Variants in ALPK2 observed in about 807,000 individuals in gnomAD.
The protein encoded by ALPK2 is alpha-protein kinase 2.
ALPK2 carries 127 observed loss-of-function variants against 163.1 expected under a neutral mutation model. That is an observed-to-expected ratio of 0.78 (90% CI 0.67 to 0.90). The LOEUF (loss-of-function observed/expected upper bound fraction) is 0.90, where lower values mean the gene tolerates loss of function less well. Ranked by LOEUF, ALPK2 falls within the 40% of genes least tolerant of loss-of-function variation. The pLI is 0.00. For missense variants in ALPK2, 2,360 were observed against 2,589.6 expected (o/e 0.91, Z 1.92); for synonymous variants, 953 against 959.1 (o/e 0.99, Z 0.12).
intron 4 of ALPK2, among the ~76,000 whole-genome samples, chr18:58,553,671 T>G (rs980811493): frequency 6.6e-6 from 1 of 152,122 alleles, no homozygotes; most frequent in Non-Finnish European, 1.5e-5. Context: ...GCCTGTTCCC[T>G]GCTTCACTTG....
chr18:58,487,266 A>G (rs2051344190), intron 12 of ALPK2, among the ~76,000 whole-genome samples: 2 of 152,222 alleles, frequency 1.3e-5, no homozygotes, highest in South Asian at 4.1e-4. Flanking sequence ...ACAGAGACAC[A>G]CAGGGGGAAT....
chr18:58,569,777 A>G (rs2051875597), intron 4 of ALPK2, among the ~76,000 whole-genome samples: 1 of 152,194 alleles, frequency 6.6e-6, no homozygotes, highest in African/African-American at 2.4e-5. Context: ...TGGGTCAGCT[A>G]AGGAATGGTA....
intron 4 of ALPK2, among the ~76,000 whole-genome samples, chr18:58,543,089 C>A (rs187437922): frequency 1.3e-5 from 2 of 152,064 alleles, no homozygotes; most frequent in East Asian, 3.9e-4. Context: ...AGGGAGGGGA[C>A]CTGGAGGCTT....
intron 3 of ALPK2, among the ~76,000 whole-genome samples, chr18:58,603,747 T>TC (rs5825295): frequency 0.72 from 108,811 of 151,718 alleles, 39,727 homozygotes; most frequent in East Asian, 1. Flanking sequence ...CAATTTGCTT[T>TC]ATTATGAGGT....
chr18:58,603,105 A>G (rs1290028480), intron 3 of ALPK2, among the ~76,000 whole-genome samples: 1 of 152,226 alleles, frequency 6.6e-6, no homozygotes, highest in Non-Finnish European at 1.5e-5. Flanking sequence ...AGCAGCCTAT[A>G]CCGCTGCTCT....
intron 3 of ALPK2, among the ~76,000 whole-genome samples, chr18:58,587,855 A>C (rs1026886986): frequency 6.6e-6 from 1 of 152,222 alleles, no homozygotes; most frequent in Non-Finnish European, 1.5e-5. Flanking sequence ...AGTTCAGAGA[A>C]GGGACTGCAA....
chr18:58,621,695 G>T (rs1174721291), intron 1 of ALPK2, among the ~76,000 whole-genome samples: 1 of 152,206 alleles, frequency 6.6e-6, no homozygotes, highest in African/African-American at 2.4e-5. Context: ...GCTCCTGGAA[G>T]GAGGCCTAAG....
chr18:58,489,072 G>A (rs554206886), intron 12 of ALPK2, among the ~76,000 whole-genome samples: 5 of 152,288 alleles, frequency 3.3e-5, no homozygotes, highest in South Asian at 2.1e-4. Flanking sequence ...ACATCTCAGC[G>A]GGAGGAAGTT....
intron 5 of ALPK2, 120 bp downstream of exon 5, chr18:58,534,714 C>G (rs574951204): frequency 6.0e-6 from 8 of 1,333,606 alleles, no homozygotes; most frequent in Non-Finnish European, 7.1e-6. Flanking sequence ...ACAACCATAG[C>G]ATCAATGCCC....
chr18:58,542,493 G>A (rs2051694715), intron 4 of ALPK2, among the ~76,000 whole-genome samples: 2 of 152,214 alleles, frequency 1.3e-5, no homozygotes, highest in Non-Finnish European at 2.9e-5. Flanking sequence ...CTGATGAGAT[G>A]AATAGCCTAG....
chr18:58,625,615 G>A (rs963489535), intron 1 of ALPK2, among the ~76,000 whole-genome samples: 12 of 152,206 alleles, frequency 7.9e-5, no homozygotes, highest in African/African-American at 2.7e-4. Flanking sequence ...TTTAAGAACC[G>A]CTGGACTCAG....
At chr18:58,490,920 T>C (rs968341902) in intron 12 of ALPK2, among the ~76,000 whole-genome samples, 1 of 152,152 alleles carries the variant, frequency 6.6e-6, no homozygotes, top group Non-Finnish European at 1.5e-5. Context: ...CCCATCCCCA[T>C]GAATATGCAG....
At chr18:58,488,892 C>T (rs952365710) in intron 12 of ALPK2, among the ~76,000 whole-genome samples, 1 of 152,144 alleles carries the variant, frequency 6.6e-6, no homozygotes, top group Non-Finnish European at 1.5e-5. Flanking sequence ...CTGGAAACAG[C>T]AAGAGATTCC....
chr18:58,509,852 G>T (rs1418848721), intron 10 of ALPK2, among the ~76,000 whole-genome samples: 1 of 151,296 alleles, frequency 6.6e-6, no homozygotes. Flanking sequence ...CACTCTGATG[G>T]TAGTTTCTTT....
At chr18:58,512,979 G>GGT (rs753576957) in intron 10 of ALPK2, among the ~76,000 whole-genome samples, 3 of 140,566 alleles carry the variant, frequency 2.1e-5, no homozygotes, top group African/African-American at 7.9e-5. Context: ...GTGTATGTGT[G>GGT]GTGTGTGTGT....
chr18:58,518,632 T>C (rs1206113783), intron 8 of ALPK2, among the ~76,000 whole-genome samples: 1 of 152,186 alleles, frequency 6.6e-6, no homozygotes, highest in Non-Finnish European at 1.5e-5. Flanking sequence ...ACAAAAAATA[T>C]TCTACTCCCC....
chr18:58,523,724 G>C (rs1040142630), intron 8 of ALPK2, 82 bp downstream of exon 8: 1 of 1,550,022 alleles, frequency 6.5e-7, no homozygotes, highest in Non-Finnish European at 8.9e-7. Context: ...GAGGATTACT[G>C]CTTCTACTCT....
chr18:58,614,827 C>T (rs1373191570), intron 1 of ALPK2, among the ~76,000 whole-genome samples: 1 of 152,176 alleles, frequency 6.6e-6, no homozygotes, highest in Non-Finnish European at 1.5e-5. Context: ...GTGCAACCGT[C>T]ACCACAATCC....
intron 12 of ALPK2, among the ~76,000 whole-genome samples, chr18:58,492,572 C>T (rs1162502053): frequency 6.6e-6 from 1 of 152,220 alleles, no homozygotes; most frequent in Non-Finnish European, 1.5e-5. Context: ...GTGCTTCTGT[C>T]TCCTACTGGC....
Sources: gnomAD v4.1 joint callset for allele counts (sites outside exome capture counted in the v4.1 genomes callset) on GRCh38, gnomAD v4.1.1 for gene constraint, MANE v1.5 for transcripts, NCBI Gene and HGNC (gene_info 2026-07-23, HGNC 2026-07-21) for gene names.